The following KANSL1L variants were observed in gnomAD, a reference collection of about 807,000 sequenced individuals.
KANSL1L encodes KAT8 regulatory NSL complex subunit 1-like protein.
In KANSL1L, 25 loss-of-function variants were observed where a neutral mutation model predicts 108.6. The ratio of observed to expected loss-of-function variants is 0.23; its 90% CI spans 0.17 to 0.32. The LOEUF (loss-of-function observed/expected upper bound fraction) is 0.32. Among genes scored for constraint, KANSL1L ranks in the 10% least tolerant of loss-of-function variants. KANSL1L has a pLI of 1.00. For synonymous variants in KANSL1L, 405 were observed against 395.1 expected, an observed-to-expected ratio of 1.03 and a Z score of -0.30; for missense variants, 1,137 against 1,125.7, an observed-to-expected ratio of 1.01 and a Z score of -0.14.
chr2:210,164,353 A>G (rs1329139466), intron 1 of KANSL1L, among the ~76,000 whole-genome samples: 3 of 152,156 alleles, frequency 2.0e-5, no homozygotes, highest in African/African-American at 7.2e-5. Context: ...AAATCCTCAA[A>G]TAGCTTTCTA....
At chr2:210,143,604 T>C (rs2095245383) in intron 2 of KANSL1L, among the ~76,000 whole-genome samples, 2 of 152,106 alleles carry the variant, frequency 1.3e-5, no homozygotes, top group Admixed American at 1.3e-4. Flanking sequence ...CTGGATTCCT[T>C]TCTCTTCATC....
At chr2:210,144,753 T>C (rs957557623) in intron 2 of KANSL1L, among the ~76,000 whole-genome samples, 7 of 152,206 alleles carry the variant, frequency 4.6e-5, no homozygotes, top group African/African-American at 4.8e-5. Context: ...TGTTCTCTGG[T>C]AGTTTACTGA....
chr2:210,033,696 T>TA (rs1491573277), intron 8 of KANSL1L, among the ~76,000 whole-genome samples: 1 of 1,834 alleles, frequency 5.5e-4, no homozygotes, highest in Non-Finnish European at 1.5e-3. Context: ...CGCCCGGCTA[T>TA]TTTTTTTTTT....
At chr2:210,051,129 C>T (rs931371774) in intron 6 of KANSL1L, among the ~76,000 whole-genome samples, 1 of 152,128 alleles carries the variant, frequency 6.6e-6, no homozygotes, top group Non-Finnish European at 1.5e-5. Context: ...TACATAAATA[C>T]TATTGCTATG....
In KANSL1L at chr2:210,027,368, C is replaced by G; in HGVS notation, c.2397-18G>C. The G allele has an allele frequency of 6.3e-7, 1 of 1,575,812 alleles. No homozygotes were observed. The highest frequency in any genetic ancestry group is 8.7e-7 in the Non-Finnish European group (1 of 1,145,536). On this transcript the variant is annotated intron_variant, in intron 11 of 14. Coordinates refer to ENST00000281772, the MANE Select transcript of KANSL1L (RefSeq NM_152519.4). ...TCCTCCAGCTGTTGAAGATAAAAAC[C>G]AATTTTAAACAGCTTTTATTTATTT...
intron 2 of KANSL1L, chr2:210,152,565 G>C (rs2095310451): frequency 6.6e-6 from 1 of 152,198 alleles, no homozygotes; most frequent in Admixed American, 6.5e-5. Flanking sequence ...AAAAGGCAGA[G>C]GTTGTGAATA....
At chr2:210,027,406 T>C in intron 11 of KANSL1L, 56 bp from the exon 12 acceptor site, 1 of 1,183,648 alleles carries the variant, frequency 8.4e-7, no homozygotes, top group Non-Finnish European at 1.3e-6. Context: ...ATGTGGCAAT[T>C]TTATACTCAG....
intron 2 of KANSL1L, among the ~76,000 whole-genome samples, chr2:210,149,692 T>A (rs563470543): frequency 2.9e-4 from 44 of 152,174 alleles, no homozygotes; most frequent in African/African-American, 1.0e-3. Flanking sequence ...AAACTGTTTT[T>A]ATATTCACAC....
chr2:210,130,813 CAA>C (rs1028233501), intron 2 of KANSL1L, among the ~76,000 whole-genome samples: 2 of 145,422 alleles, frequency 1.4e-5, no homozygotes, highest in Non-Finnish European at 1.5e-5. Flanking sequence ...GATTTTAAAA[CAA>C]AGTGGAAACT....
At chr2:210,049,861 T>C (rs1388475009) in intron 6 of KANSL1L, among the ~76,000 whole-genome samples, 7 of 152,256 alleles carry the variant, frequency 4.6e-5, no homozygotes, top group African/African-American at 1.7e-4. Context: ...ATAGGACTGA[T>C]GTCAAACAAC....
At chr2:210,097,816 T>A (rs1389377705) in intron 5 of KANSL1L, 1 of 211,898 alleles carries the variant, frequency 4.7e-6, no homozygotes, top group African/African-American at 2.4e-5. Flanking sequence ...GCAGTACTTC[T>A]ACAGCAAATG....
intron 2 of KANSL1L, among the ~76,000 whole-genome samples, chr2:210,134,726 G>C (rs1019663725): frequency 1.3e-5 from 2 of 152,066 alleles, no homozygotes; most frequent in African/African-American, 4.8e-5. Context: ...GACAAAATGA[G>C]ATCTTTGGCT....
At chr2:210,086,720 A>G (rs1332802693) in intron 5 of KANSL1L, among the ~76,000 whole-genome samples, 1 of 152,112 alleles carries the variant, frequency 6.6e-6, no homozygotes, top group Non-Finnish European at 1.5e-5. Flanking sequence ...AGAGAATTAT[A>G]TCAAACAAAA....
intron 5 of KANSL1L, among the ~76,000 whole-genome samples, chr2:210,082,757 C>T (rs1356431913): frequency 6.6e-6 from 1 of 152,108 alleles, no homozygotes; most frequent in Non-Finnish European, 1.5e-5. Context: ...AACATTTCCC[C>T]CACATTCACA....
intron 5 of KANSL1L, among the ~76,000 whole-genome samples, chr2:210,085,328 A>G (rs547878676): frequency 3.9e-5 from 6 of 152,328 alleles, no homozygotes; most frequent in African/African-American, 1.4e-4. Flanking sequence ...TATGCTTTCT[A>G]TATGTCTGAA....
At chr2:210,144,895 G>C (rs1389403569) in intron 2 of KANSL1L, among the ~76,000 whole-genome samples, 1 of 152,106 alleles carries the variant, frequency 6.6e-6, no homozygotes, top group African/African-American at 2.4e-5. Flanking sequence ...CACGTTGCTT[G>C]TTACTTTGCA....
rs939569440 is a variant in KANSL1L, at chr2:210,044,436, G to GT, written c.1756-333dup. 4.4e-4 allele frequency among the ~76,000 whole-genome samples: 64 copies of GT among 146,334 alleles called. No homozygotes were observed. Among genetic ancestry groups the GT allele is most frequent in the Admixed American group, 4.8e-4 (7 of 14,646 alleles). On this transcript the variant is annotated intron_variant, in intron 6 of 14. Coordinates refer to ENST00000281772, the MANE Select transcript of KANSL1L (RefSeq NM_152519.4). The surrounding 1 kb of genome is among the most constrained non-coding windows in gnomAD (Gnocchi z 4.2). ...TAATTTTTTTCCTTCAATCCTACTA[G>GT]TTTTTTTTTTAGGGAGTTCCAACCA...
chr2:210,102,524 C>G (rs976900452), intron 4 of KANSL1L, among the ~76,000 whole-genome samples: 3 of 152,098 alleles, frequency 2.0e-5, no homozygotes, highest in Non-Finnish European at 2.9e-5. Context: ...TCAGAGTGAA[C>G]AGGCAACCTA....
At chr2:210,105,144 A>G (rs1012675040) in intron 3 of KANSL1L, among the ~76,000 whole-genome samples, 60 of 152,138 alleles carry the variant, frequency 3.9e-4, no homozygotes, top group African/African-American at 1.4e-3. Context: ...AGAAAAAAGG[A>G]GTGCAAAGGC....
Sources: gnomAD v4.1 joint callset for allele counts (sites outside exome capture counted in the v4.1 genomes callset) on GRCh38, gnomAD v4.1.1 for gene constraint, Gnocchi (gnomAD v3.1) non-coding constraint, MANE v1.5 for transcripts, NCBI Gene and HGNC (gene_info 2026-07-23, HGNC 2026-07-21) for gene names.